XKR6: variants seen among roughly 807,000 people sequenced by gnomAD.
XKR6 encodes XK-related protein 6.
XKR6 carries 22 observed loss-of-function variants against 56.7 expected under a neutral mutation model. The observed-to-expected ratio is 0.39, with a 90% confidence interval of 0.28 to 0.55. The LOEUF is 0.55. Ranked by LOEUF, XKR6 falls within the 20% of genes least tolerant of loss-of-function variation. The pLI is 0.66. For missense variants in XKR6, 852 were observed against 889.0 expected (o/e 0.96, Z 0.53); for synonymous variants, 524 against 387.8 (o/e 1.35, Z -4.13).
intron 2 of XKR6, among the ~76,000 whole-genome samples, chr8:10,914,039 T>C (rs924936366): frequency 1.1e-4 from 17 of 152,182 alleles, no homozygotes; most frequent in African/African-American, 3.4e-4. Flanking sequence ...GGGATGGCCC[T>C]TGGGCAAATT....
chr8:10,917,258 T>C (rs1800588394), intron 2 of XKR6, among the ~76,000 whole-genome samples: 1 of 152,190 alleles, frequency 6.6e-6, no homozygotes, highest in Non-Finnish European at 1.5e-5. Flanking sequence ...CCCTCCTTGC[T>C]GTGTGACTTG....
At chr8:10,984,373 C>T (rs956175023) in intron 1 of XKR6, among the ~76,000 whole-genome samples, 2 of 152,156 alleles carry the variant, frequency 1.3e-5, no homozygotes, top group Non-Finnish European at 2.9e-5. Flanking sequence ...ATTTGGGAAA[C>T]ACTACAAGTT....
chr8:10,921,204 C>A (rs1800699332), intron 2 of XKR6, among the ~76,000 whole-genome samples: 1 of 152,352 alleles, frequency 6.6e-6, no homozygotes, highest in East Asian at 1.9e-4. Flanking sequence ...AGATTTGGTG[C>A]CCAGCCCTTT....
intron 1 of XKR6, among the ~76,000 whole-genome samples, chr8:11,197,808 C>T (rs1441949612): frequency 1.3e-5 from 2 of 152,156 alleles, no homozygotes; most frequent in African/African-American, 2.4e-5. Flanking sequence ...ACAGGAATGG[C>T]AAGATGCAGA....
intron 1 of XKR6, among the ~76,000 whole-genome samples, chr8:11,163,362 G>C (rs550548119): frequency 6.6e-6 from 1 of 151,944 alleles, no homozygotes. Context: ...GATTACTGTT[G>C]CAGGGAAAAT....
At chr8:11,159,610 C>G (rs565388181) in intron 1 of XKR6, among the ~76,000 whole-genome samples, 1 of 152,314 alleles carries the variant, frequency 6.6e-6, no homozygotes, top group East Asian at 1.9e-4. Flanking sequence ...AGTCCCCAAT[C>G]CAAACTAGAG....
chr8:11,123,809 A>G (rs962035130), intron 1 of XKR6: 5 of 455,248 alleles, frequency 1.1e-5, no homozygotes, highest in African/African-American at 4.0e-5. Flanking sequence ...AATGCCAGAC[A>G]CTATTTGGAA....
At chr8:11,153,748 G>A (rs1247673943) in intron 1 of XKR6, among the ~76,000 whole-genome samples, 1 of 152,108 alleles carries the variant, frequency 6.6e-6, no homozygotes, top group African/African-American at 2.4e-5. Flanking sequence ...TCTTTGATCT[G>A]CTCAAGCCAA....
intron 1 of XKR6, among the ~76,000 whole-genome samples, chr8:11,192,170 T>C (rs1255890535): frequency 1.3e-5 from 2 of 151,884 alleles, no homozygotes; most frequent in South Asian, 2.1e-4. Flanking sequence ...AAATTTTTTT[T>C]TTTTGTGAGG....
intron 1 of XKR6, among the ~76,000 whole-genome samples, chr8:10,941,852 A>G (rs1801394535): frequency 6.6e-6 from 1 of 152,206 alleles, no homozygotes; most frequent in African/African-American, 2.4e-5. Context: ...CCAGGCCCAA[A>G]GTCACAGCAG....
At chr8:10,975,728 G>A (rs1288430993) in intron 1 of XKR6, among the ~76,000 whole-genome samples, 2 of 152,212 alleles carry the variant, frequency 1.3e-5, no homozygotes, top group African/African-American at 4.8e-5. Context: ...TCAAATCCCA[G>A]CTCAGCCCAG....
chr8:11,185,119 G>T (rs1803202701), intron 1 of XKR6, among the ~76,000 whole-genome samples: 1 of 152,196 alleles, frequency 6.6e-6, no homozygotes, highest in African/African-American at 2.4e-5. Flanking sequence ...GGGTGTGAGT[G>T]TGAGTGTGCC....
At chr8:10,961,386 C>A (rs972280014) in intron 1 of XKR6, among the ~76,000 whole-genome samples, 2 of 152,146 alleles carry the variant, frequency 1.3e-5, no homozygotes, top group African/African-American at 2.4e-5. Context: ...ACACTGACAA[C>A]GCTGCAGAAT....
At chr8:11,123,956 A>C in intron 1 of XKR6, 2 of 456,112 alleles carry the variant, frequency 4.4e-6, no homozygotes, top group Non-Finnish European at 8.8e-6. Context: ...GATCGGCTCC[A>C]GTGCTACCTG....
intron 1 of XKR6, among the ~76,000 whole-genome samples, chr8:11,078,480 G>A (rs753233462): frequency 1.3e-5 from 2 of 152,162 alleles, no homozygotes; most frequent in Non-Finnish European, 2.9e-5. Context: ...CTGACCCCAC[G>A]TGAGGCAAGG....
intron 1 of XKR6, among the ~76,000 whole-genome samples, chr8:11,090,288 A>G (rs189661566): frequency 9.5e-4 from 145 of 152,174 alleles, no homozygotes; most frequent in African/African-American, 2.8e-3. Context: ...AGGTCTCACT[A>G]TGTTGTCCAG....
chr8:10,947,418 G>A (rs1801585740), intron 1 of XKR6, among the ~76,000 whole-genome samples: 1 of 152,166 alleles, frequency 6.6e-6, no homozygotes, highest in Non-Finnish European at 1.5e-5. Context: ...AGTTGAGGAA[G>A]CACAGATGGC....
chr8:11,185,171 T>A (rs906544242), intron 1 of XKR6, among the ~76,000 whole-genome samples: 25 of 152,198 alleles, frequency 1.6e-4, no homozygotes, highest in African/African-American at 5.5e-4. Context: ...GTGCCCGCCG[T>A]GTGCCCTGAG....
intron 1 of XKR6, among the ~76,000 whole-genome samples, chr8:11,101,956 T>C (rs922691945): frequency 3.9e-5 from 6 of 152,070 alleles, no homozygotes; most frequent in Admixed American, 2.6e-4. Context: ...CCCACCTCCA[T>C]AAATAATGTC....
Sources: allele counts gnomAD v4.1 joint callset (sites outside exome capture counted in the v4.1 genomes callset), GRCh38; gene constraint gnomAD v4.1.1; transcripts MANE v1.5; gene names NCBI Gene and HGNC (gene_info 2026-07-23, HGNC 2026-07-21).